The following GABRG3 variants were observed in gnomAD, a reference collection of about 807,000 sequenced individuals.
The protein encoded by GABRG3 is gamma-aminobutyric acid type A receptor subunit gamma3.
In GABRG3, 25 loss-of-function variants were observed where a neutral mutation model predicts 48.8. That is an observed-to-expected ratio of 0.51 (90% CI 0.37 to 0.72). The LOEUF (loss-of-function observed/expected upper bound fraction) is 0.72, where lower values mean the gene tolerates loss of function less well. Ranked by LOEUF, GABRG3 falls within the 30% of genes least tolerant of loss-of-function variation. The pLI is 0.00. For missense variants in GABRG3, 394 were observed against 577.9 expected, an observed-to-expected ratio of 0.68 and a Z score of 3.26; for synonymous variants, 227 against 217.6, an observed-to-expected ratio of 1.04 and a Z score of -0.38.
chr15:27,118,975 G>A (rs997848750), intron 3 of GABRG3, among the ~76,000 whole-genome samples: 4 of 152,138 alleles, frequency 2.6e-5, no homozygotes, highest in African/African-American at 9.7e-5. Flanking sequence ...AAGCAGAAAG[G>A]TCACTCACAG....
chr15:27,156,882 G>C (rs1329726023), intron 3 of GABRG3, among the ~76,000 whole-genome samples: 3 of 152,116 alleles, frequency 2.0e-5, no homozygotes, highest in Admixed American at 6.5e-5. Flanking sequence ...TGCCACCACT[G>C]ATTTCTAAGC....
chr15:27,382,986 C>T (rs540803189), intron 5 of GABRG3, among the ~76,000 whole-genome samples: 14 of 152,126 alleles, frequency 9.2e-5, no homozygotes, highest in East Asian at 1.9e-4. Flanking sequence ...ATTTGGAAGT[C>T]ATAAGCAAGG....
intron 2 of GABRG3, among the ~76,000 whole-genome samples, chr15:27,019,055 C>CTTTTTTTTTTT (rs9331868): frequency 2.4e-5 from 1 of 42,002 alleles, no homozygotes; most frequent in East Asian, 9.9e-4. Context: ...TCCCTAGAGT[C>CTTTTTTTTTTT]TTTTTTTTTT....
At chr15:27,328,730 C>A in intron 4 of GABRG3, 76 bp from the exon 5 acceptor site, 2 of 1,240,736 alleles carry the variant, frequency 1.6e-6, no homozygotes, top group Non-Finnish European at 1.2e-6. Flanking sequence ...TCCATCCCCA[C>A]ATGGGGTGCC....
chr15:27,392,857 G>A (rs1162253535), intron 5 of GABRG3, among the ~76,000 whole-genome samples: 1 of 152,126 alleles, frequency 6.6e-6, no homozygotes, highest in African/African-American at 2.4e-5. Flanking sequence ...TCCAGCGTTG[G>A]CCATTGGGAG....
chr15:27,496,836 G>A (rs1330258552), intron 6 of GABRG3, among the ~76,000 whole-genome samples: 2 of 152,210 alleles, frequency 1.3e-5, no homozygotes, highest in African/African-American at 4.8e-5. Context: ...GGTGATTCTT[G>A]TGGCTTAGAC....
chr15:27,054,552 A>T (rs1896509212), intron 3 of GABRG3, among the ~76,000 whole-genome samples: 1 of 152,190 alleles, frequency 6.6e-6, no homozygotes, highest in Non-Finnish European at 1.5e-5. Context: ...AGGCTGTAAG[A>T]CTTGACTGAG....
chr15:27,233,518 C>T (rs1321592592), intron 3 of GABRG3, among the ~76,000 whole-genome samples: 1 of 152,114 alleles, frequency 6.6e-6, no homozygotes, highest in East Asian at 1.9e-4. Flanking sequence ...AGGCCACCTT[C>T]TCCTTGTGTC....
intron 5 of GABRG3, among the ~76,000 whole-genome samples, chr15:27,460,367 G>GCTT (rs1889412396): frequency 6.6e-6 from 1 of 152,148 alleles, no homozygotes; most frequent in Non-Finnish European, 1.5e-5. Context: ...CTGCTTGGCA[G>GCTT]GTGCACTGAG....
chr15:27,077,365 G>A (rs1024659421), intron 3 of GABRG3, among the ~76,000 whole-genome samples: 3 of 152,158 alleles, frequency 2.0e-5, no homozygotes, highest in Non-Finnish European at 4.4e-5. Flanking sequence ...AGGGTTTGTG[G>A]AGCCACACAC....
rs548962517 is a variant in GABRG3 at position 27,341,480 on chromosome 15, C to T, written c.574+12592C>T. 4.6e-5 allele frequency among the ~76,000 whole-genome samples: 7 copies of T among 152,300 alleles called. 1 individual carries two copies. The highest frequency in any genetic ancestry group is 3.9e-4 in the East Asian group (2 of 5,176). On this transcript the variant is annotated intron_variant, in intron 5 of 9. Coordinates refer to ENST00000615808, the MANE Select transcript of GABRG3 (RefSeq NM_033223.5). ...ACTGCGCCTGGCCTGCAGGAAGCTC[C>T]GTGCTAGAAAATGGAGCCTGCACAC...
intron 3 of GABRG3, among the ~76,000 whole-genome samples, chr15:27,089,298 G>A (rs1424356547): frequency 6.6e-6 from 1 of 152,180 alleles, no homozygotes; most frequent in Admixed American, 6.5e-5. Flanking sequence ...TCGTCTGCAG[G>A]CAACTGGGAG....
At chr15:27,287,274 G>A (rs1891644048) in intron 3 of GABRG3, among the ~76,000 whole-genome samples, 3 of 152,092 alleles carry the variant, frequency 2.0e-5, no homozygotes, top group Admixed American at 2.0e-4. Context: ...GAAACAAAAT[G>A]ACAGAACATC....
chr15:27,424,700 C>T (rs902299148), intron 5 of GABRG3, among the ~76,000 whole-genome samples: 2 of 151,940 alleles, frequency 1.3e-5, no homozygotes, highest in East Asian at 1.9e-4. Flanking sequence ...ACTACAGACG[C>T]CTGCCACCAC....
chr15:27,490,224 T>C (rs1471789329), intron 6 of GABRG3, among the ~76,000 whole-genome samples: 1 of 152,226 alleles, frequency 6.6e-6, no homozygotes, highest in Non-Finnish European at 1.5e-5. Flanking sequence ...ATATTTATTT[T>C]TATAAACTCA....
intron 3 of GABRG3, among the ~76,000 whole-genome samples, chr15:27,043,116 A>G (rs760976343): frequency 5.3e-5 from 8 of 151,986 alleles, no homozygotes; most frequent in Non-Finnish European, 1.2e-4. Flanking sequence ...CCATCTTTCC[A>G]GCCCCATTCT....
chr15:27,527,675 G>A (rs1290942672), intron 8 of GABRG3, 46 bp downstream of exon 8: 26 of 1,504,980 alleles, frequency 1.7e-5, no homozygotes, highest in Non-Finnish European at 2.1e-5. Flanking sequence ...TGGGGGCGCT[G>A]TTTGAGATGA....
intron 5 of GABRG3, among the ~76,000 whole-genome samples, chr15:27,390,085 A>G (rs1896176149): frequency 6.6e-6 from 1 of 152,236 alleles, no homozygotes; most frequent in African/African-American, 2.4e-5. Flanking sequence ...GATGTTTGTT[A>G]TTTGTTTCAA....
intron 5 of GABRG3, among the ~76,000 whole-genome samples, chr15:27,472,302 G>A (rs1380327723): frequency 6.6e-6 from 1 of 151,982 alleles, no homozygotes; most frequent in Non-Finnish European, 1.5e-5. Context: ...GGAAAATGGA[G>A]TCTCACTCTA....
Sources: allele counts gnomAD v4.1 joint callset (sites outside exome capture counted in the v4.1 genomes callset), GRCh38; gene constraint gnomAD v4.1.1; transcripts MANE v1.5; gene names NCBI Gene and HGNC (gene_info 2026-07-23, HGNC 2026-07-21).